DMD: variants seen among roughly 807,000 people sequenced by gnomAD.
DMD encodes the protein mutant dystrophin.
DMD carries 63 observed loss-of-function variants against 330.1 expected under a neutral mutation model. The ratio of observed to expected loss-of-function variants is 0.19; its 90% CI spans 0.16 to 0.24. The LOEUF is 0.24. DMD is among the 10% of genes least tolerant of loss of function. DMD has a pLI of 1.00. For synonymous variants in DMD, 1,223 were observed against 959.8 expected (o/e 1.27, Z -5.07); for missense variants, 3,344 against 2,684.1 (o/e 1.25, Z -5.43).
At chrX:32,383,082 G>A (rs1361277090) in intron 33 of DMD, among the ~76,000 whole-genome samples, 1 of 110,456 alleles carries the variant, frequency 9.1e-6, no homozygotes, top group Non-Finnish European at 1.9e-5. Flanking sequence ...GGGGTTATAG[G>A]TATTATTACA....
chrX:32,887,767 A>AC lies in DMD; in HGVS notation c.94-37948_94-37947insG, dbSNP rs1569539274. 2.4e-4 allele frequency among the ~76,000 whole-genome samples: 25 copies of AC among 102,584 alleles called. 2 individuals are homozygous for AC. The highest frequency in any genetic ancestry group is 4.7e-4 in the South Asian group (1 of 2,132). The allele number at this position is 102,584 out of a possible 115,157, so 89.1% of individuals were successfully genotyped here. A position where few individuals can be genotyped will look rare whatever the true frequency, so the allele number is the denominator to read the frequency against. On this transcript the variant is annotated intron_variant, in intron 2 of 78. Transcript: ENST00000357033. The stretch of plus-strand genomic sequence containing the variant: ...TCTCAAAAAAAAAAAAAAAAAAAAA[A>AC]AAAAAAAAACATCAACTAAAAGCTT...
At chrX:31,470,147 T>TCTGA (rs2067185923) in intron 59 of DMD, among the ~76,000 whole-genome samples, 1 of 111,226 alleles carries the variant, frequency 9.0e-6, no homozygotes, top group South Asian at 3.8e-4. Context: ...AGTTTGTTAT[T>TCTGA]ACCCACCTTC....
At chrX:32,793,116 C>A in intron 7 of DMD, among the ~76,000 whole-genome samples, 1 of 111,312 alleles carries the variant, frequency 9.0e-6, no homozygotes, top group Non-Finnish European at 1.9e-5. Flanking sequence ...TCTTAAAACA[C>A]AAGGAAATAA....
rs61733587 is a variant in DMD at position 32,595,805 on chromosome X, A to T, written c.1554T>A (p.Asp518Glu). 2,294 of 1,205,108 alleles carry T rather than the reference A, an allele frequency of 1.9e-3. 29 individuals are homozygous for T. In the African/African-American group the frequency reaches 0.036, roughly 19 times the overall value. ...CAGTTGCGTGATCTCCACTAGATTC[A>T]TCAACTACCACCACCATGTGAGTGA... The part of the protein sequence containing the change: ...NSLTHMVVVV[D>E]ESSGDHATAA... Residue 518 changes from aspartate (D) to glutamate (E), a missense_variant, in exon 13 of 79, where the codon GAT becomes GAA. Physicochemically the swap from Asp to Glu is conservative, Grantham distance 45. Transcript: ENST00000357033.
intron 44 of DMD, among the ~76,000 whole-genome samples, chrX:31,986,831 C>T (rs1417809654): frequency 8.9e-6 from 1 of 112,123 alleles, no homozygotes; most frequent in South Asian, 3.7e-4. Context: ...TATTAAAAAA[C>T]GAACTAAAAT....
chrX:32,794,688 G>A (rs1380375738), intron 7 of DMD, among the ~76,000 whole-genome samples: 1 of 112,246 alleles, frequency 8.9e-6, no homozygotes, highest in Non-Finnish European at 1.9e-5. Context: ...GAGCAATCAA[G>A]AGAAAGAAAT....
chrX:32,604,401 A>C (rs1602077401), intron 12 of DMD, among the ~76,000 whole-genome samples: 1 of 110,440 alleles, frequency 9.1e-6, no homozygotes, highest in Non-Finnish European at 1.9e-5. Context: ...AACATATCTC[A>C]AAATAACAAA....
At position 32,844,905 on chromosome X, in the gene DMD, G is replaced by A. The variant is rs780924563; in HGVS notation, c.187-45C>T. 1.5e-5 allele frequency: 15 copies of A among 1,014,456 alleles called. No individual in the cohort carries two copies. The African/African-American group carries it at 1.5e-4, about 10-fold the overall frequency. The allele number at this position is 1,014,456 out of a possible 1,213,427, so 83.6% of individuals were successfully genotyped here. ...GTGTTCACTGACCAGCAGAGAGACCGACAATCTACTAGAAATGAAACCATT... is the reference window on the plus strand; with the variant it reads ...GTGTTCACTGACCAGCAGAGAGACCAACAATCTACTAGAAATGAAACCATT... On this transcript the variant is annotated intron_variant, in intron 3 of 78. Coordinates refer to ENST00000357033, the MANE Select transcript of DMD (RefSeq NM_004006.3).
At chrX:32,593,475 C>T (rs761352339) in intron 13 of DMD, among the ~76,000 whole-genome samples, 1 of 111,844 alleles carries the variant, frequency 8.9e-6, no homozygotes, top group East Asian at 2.8e-4. Context: ...GCCTACCTGC[C>T]TATCATAGTG....
intron 6 of DMD, among the ~76,000 whole-genome samples, chrX:32,813,432 A>C (rs996272797): frequency 9.0e-6 from 1 of 111,430 alleles, no homozygotes; most frequent in Non-Finnish European, 1.9e-5. Context: ...TGTTAGCCAA[A>C]CAGTTTTAGG....
In DMD at chrX:31,696,397, C is replaced by T. The variant is rs770860004; in HGVS notation, c.7661-16811G>A. ...TACAGCCACAGACAAGTAGATATGA[C>T]TGTTCGATTCCTTCATATAATACAC... On this transcript the variant is annotated intron_variant, in intron 52 of 78. Coordinates refer to ENST00000357033, the MANE Select transcript of DMD (RefSeq NM_004006.3). Among the ~76,000 whole-genome samples the T allele has an allele frequency of 3.6e-5, 4 of 111,934 alleles. No individual in the cohort carries two copies. In the South Asian group the frequency reaches 1.5e-3, roughly 41 times the overall value.
chrX:33,252,897 T>C lies in DMD; in HGVS notation c.7+86362A>G, dbSNP rs1371403964. On this transcript the variant is annotated intron_variant, in intron 1 of 17. Transcript: ENST00000288447. Reference sequence around the variant, plus strand: ...TATTTAAAATGTGAAAGAAACTTCTTACATGTTTGTATATGACAGCAACAA... The same window carrying C: ...TATTTAAAATGTGAAAGAAACTTCTCACATGTTTGTATATGACAGCAACAA... Among the ~76,000 whole-genome samples the C allele has an allele frequency of 4.5e-5, 5 of 111,923 alleles. No individual in the cohort carries two copies. The Admixed American group carries it at 4.8e-4, about 11-fold the overall frequency.
At chrX:32,724,399 A>C (rs2066647206) in intron 7 of DMD, among the ~76,000 whole-genome samples, 1 of 111,803 alleles carries the variant, frequency 8.9e-6, no homozygotes, top group Non-Finnish European at 1.9e-5. Flanking sequence ...AGAGTAGTCT[A>C]CTAAAGTCTG....
chrX:33,178,440 T>C (rs1400949478), intron 1 of DMD, among the ~76,000 whole-genome samples: 2 of 111,941 alleles, frequency 1.8e-5, no homozygotes, highest in Non-Finnish European at 3.8e-5. Context: ...AAATCTCTCT[T>C]ACTTAACACA....
At chrX:31,338,988 T>C (rs1207285291) in intron 61 of DMD, among the ~76,000 whole-genome samples, 1 of 108,561 alleles carries the variant, frequency 9.2e-6, no homozygotes, top group Non-Finnish European at 1.9e-5. Flanking sequence ...ATTTGTAGTA[T>C]TTGCCAATTT....
rs191164194 is a variant in DMD at position 33,259,812 on chromosome X, T to C, written c.7+79447A>G. 3.3e-3 allele frequency among the ~76,000 whole-genome samples: 361 copies of C among 109,934 alleles called. 1 individual carries two copies. The highest frequency in any genetic ancestry group is 0.011 in the African/African-American group (342 of 30,356). ...GCCACATAGTCGAAATTCAACAGTA[T>C]GTAACCCTTTCAAATTAGCTTCTTT... On this transcript the variant is annotated intron_variant, in intron 1 of 17. Coordinates refer to the DMD transcript ENST00000288447.
At chrX:31,965,151 G>T (rs184001890) in intron 45 of DMD, among the ~76,000 whole-genome samples, 2 of 111,256 alleles carry the variant, frequency 1.8e-5, no homozygotes, top group Non-Finnish European at 3.8e-5. Flanking sequence ...AGAACCCCTC[G>T]ACTGGTATGT....
chrX:33,003,755 G>T (rs1359790749), intron 2 of DMD, among the ~76,000 whole-genome samples: 1 of 111,792 alleles, frequency 8.9e-6, no homozygotes, highest in African/African-American at 3.2e-5. Flanking sequence ...TACATAGCTC[G>T]TTTAATATAT....
At chrX:32,042,111 A>C (rs1418491310) in intron 44 of DMD, among the ~76,000 whole-genome samples, 3 of 92,865 alleles carry the variant, frequency 3.2e-5, no homozygotes, top group Non-Finnish European at 6.4e-5. Flanking sequence ...ATATACATAC[A>C]TATACACACA....
Sources: gnomAD v4.1 joint callset for allele counts (sites outside exome capture counted in the v4.1 genomes callset) on GRCh38, gnomAD v4.1.1 for gene constraint, MANE v1.5 for transcripts, NCBI Gene and HGNC (gene_info 2026-07-23, HGNC 2026-07-21) for gene names.